Variants in ARHGEF4 observed in about 807,000 individuals in gnomAD.
The protein encoded by ARHGEF4 is Rho guanine nucleotide exchange factor 4.
ARHGEF4 carries 119 observed loss-of-function variants against 162.0 expected under a neutral mutation model. That is an observed-to-expected ratio of 0.73 (90% confidence interval 0.63 to 0.86). The LOEUF is 0.86. Ranked by LOEUF, ARHGEF4 falls within the 40% of genes least tolerant of loss-of-function variation. The pLI, the probability that ARHGEF4 is intolerant of heterozygous loss-of-function variation, is 0.00. For synonymous variants in ARHGEF4, 1,014 were observed against 979.9 expected, an observed-to-expected ratio of 1.03 and a Z score of -0.65; for missense variants, 2,488 against 2,456.0, an observed-to-expected ratio of 1.01 and a Z score of -0.28.
intron 2 of ARHGEF4, among the ~76,000 whole-genome samples, chr2:130,919,367 G>C (rs764955610): frequency 1.7e-4 from 26 of 152,180 alleles, no homozygotes; most frequent in Non-Finnish European, 3.2e-4. Flanking sequence ...CTTCTGAAAT[G>C]ATTGGCAATC....
chr2:130,864,520 T>A (rs1574116470), intron 1 of ARHGEF4, among the ~76,000 whole-genome samples: 2 of 151,706 alleles, frequency 1.3e-5, no homozygotes. Flanking sequence ...AGGTCAGGAG[T>A]TCAAGACCAA....
Position 130,967,949 on chromosome 2 carries a change from T to A in ARHGEF4, c.3985+21314T>A, listed in dbSNP as rs146422713. ...TCACTCTGCCTCAATATGTGACACC[T>A]GTGAAATATTGCCAACCAGATAAGT... On this transcript the variant is annotated intron_variant, in intron 4 of 13. Transcript: ENST00000409359. 1.6e-3 allele frequency among the ~76,000 whole-genome samples: 242 copies of A among 152,320 alleles called. 1 individual carries two copies. Among genetic ancestry groups the A allele is most frequent in the African/African-American group, 5.4e-3 (223 of 41,570 alleles).
At chr2:130,991,897 A>G (rs1041382558) in intron 4 of ARHGEF4, among the ~76,000 whole-genome samples, 7 of 152,250 alleles carry the variant, frequency 4.6e-5, no homozygotes, top group Non-Finnish European at 7.3e-5. Context: ...GGGTGAAGCC[A>G]GCTGGGCTCC....
intron 5 of ARHGEF4, among the ~76,000 whole-genome samples, chr2:131,031,492 G>A (rs1218132645): frequency 6.6e-6 from 1 of 152,218 alleles, no homozygotes; most frequent in Non-Finnish European, 1.5e-5. Flanking sequence ...GGATGCAGCT[G>A]TGCAGAAGCC....
chr2:131,047,184 C>T lies in ARHGEF4; in HGVS notation c.*995C>T, dbSNP rs1691327985. On this transcript the variant is annotated 3_prime_UTR_variant, in exon 14 of 14. Transcript: ENST00000409359. Reference sequence around the variant, plus strand: ...CACAGGATTCAGCAGCATGGACAGTCACTCTTGCACTATTCCTTCTCCAAG... The same window carrying T: ...CACAGGATTCAGCAGCATGGACAGTTACTCTTGCACTATTCCTTCTCCAAG... 1 of 152,262 alleles carries T rather than the reference C, an allele frequency of 6.6e-6. No individual in the cohort carries two copies. The highest frequency in any genetic ancestry group is 1.5e-5 in the Non-Finnish European group (1 of 68,052). The allele number at this position is 152,262 out of a possible 1,614,324, so 9.4% of individuals were successfully genotyped here.
Position 131,047,153 on chromosome 2 carries a change from G to C in ARHGEF4, c.*964G>C, listed in dbSNP as rs1364451777. On this transcript the variant is annotated 3_prime_UTR_variant, in exon 14 of 14. Coordinates refer to ENST00000409359, the MANE Select transcript of ARHGEF4 (RefSeq NM_001367493.1). ...GAGCCAGGGCCTGGCGAGCTGGCGTGGAGCCCACAGGATTCAGCAGCATGG... is the reference window on the plus strand; with the variant it reads ...GAGCCAGGGCCTGGCGAGCTGGCGTCGAGCCCACAGGATTCAGCAGCATGG... 6.6e-6 allele frequency: 1 copy of C among 152,332 alleles called. No homozygotes were observed. The highest frequency in any genetic ancestry group is 1.5e-5 in the Non-Finnish European group (1 of 68,070). The allele number at this position is 152,332 out of a possible 1,614,324, so 9.4% of individuals were successfully genotyped here.
chr2:130,898,830 A>C (rs951690194), intron 1 of ARHGEF4, among the ~76,000 whole-genome samples: 2 of 152,114 alleles, frequency 1.3e-5, no homozygotes, highest in African/African-American at 4.8e-5. Context: ...TGATGGAGCC[A>C]GTGACAGACA....
chr2:130,921,239 C>G (rs768187668), intron 2 of ARHGEF4, among the ~76,000 whole-genome samples: 3 of 152,188 alleles, frequency 2.0e-5, no homozygotes, highest in African/African-American at 7.2e-5. Context: ...CGGTGGCTCA[C>G]GCCTGTAATC....
At chr2:130,970,405 A>G (rs1446584105) in intron 4 of ARHGEF4, among the ~76,000 whole-genome samples, 1 of 152,108 alleles carries the variant, frequency 6.6e-6, no homozygotes, top group Non-Finnish European at 1.5e-5. Flanking sequence ...CCTGACCAAC[A>G]TGGTAAAATC....
At chr2:130,977,275 TGTG>T (rs1445814966) in intron 4 of ARHGEF4, among the ~76,000 whole-genome samples, 7 of 151,896 alleles carry the variant, frequency 4.6e-5, no homozygotes, top group Non-Finnish European at 8.8e-5. Flanking sequence ...TATGTGCTAG[TGTG>T]GTGTGTCAGT....
In ARHGEF4 at chr2:131,021,777, G is replaced by A. The variant is rs10174249; in HGVS notation, c.3986-6168G>A. ...GTGATACAGCTTTCCGTCTTCCATC[G>A]CTGAGTATGATGTTGGCTGTGAGAT... On this transcript the variant is annotated intron_variant, in intron 4 of 13. Transcript: ENST00000409359. Among the ~76,000 whole-genome samples the A allele has an allele frequency of 6.2e-3, 940 of 152,268 alleles. 6 individuals carry two copies. Among genetic ancestry groups the A allele is most frequent in the African/African-American group, 0.021 (890 of 41,552 alleles).
At chr2:130,918,235 G>A (rs1477864542) in intron 2 of ARHGEF4, among the ~76,000 whole-genome samples, 1 of 152,114 alleles carries the variant, frequency 6.6e-6, no homozygotes, top group Non-Finnish European at 1.5e-5. Flanking sequence ...GACTTACTTC[G>A]TATAAAGAGA....
chr2:130,912,815 C>T (rs1330672716), intron 1 of ARHGEF4, among the ~76,000 whole-genome samples: 1 of 152,152 alleles, frequency 6.6e-6, no homozygotes, highest in Non-Finnish European at 1.5e-5. Context: ...AAAGAACATT[C>T]AATAGTCCCC....
rs368901158 is a variant in ARHGEF4, at chr2:130,867,936, C to T, written c.39+30944C>T. Among the ~76,000 whole-genome samples, 841 of 119,764 alleles carry T rather than the reference C, an allele frequency of 7.0e-3. 3 individuals are homozygous for T. Among genetic ancestry groups the T allele is most frequent in the African/African-American group, 0.016 (516 of 31,506 alleles). 78.6% of individuals were successfully genotyped at this position (119,764 alleles called of 152,430 possible). A position where few individuals can be genotyped will look rare whatever the true frequency, so the allele number is the denominator to read the frequency against. On this transcript the variant is annotated intron_variant, in intron 1 of 13. Coordinates refer to ENST00000409359, the MANE Select transcript of ARHGEF4 (RefSeq NM_001367493.1). ...ATGTGTTTTTTTCTTTTTTTTTTTTCTTTTTTTTTTTTTTTTGGAGACAGA... is the reference window on the plus strand; with the variant it reads ...ATGTGTTTTTTTCTTTTTTTTTTTTTTTTTTTTTTTTTTTTTGGAGACAGA...
At chr2:130,950,915 T>C (rs1449879945) in intron 4 of ARHGEF4, among the ~76,000 whole-genome samples, 3 of 152,228 alleles carry the variant, frequency 2.0e-5, no homozygotes, top group Non-Finnish European at 4.4e-5. Flanking sequence ...AGTTTGCTTA[T>C]TTATTCATCC....
At chr2:130,966,576 G>T (rs370173339) in intron 4 of ARHGEF4, among the ~76,000 whole-genome samples, 2 of 152,348 alleles carry the variant, frequency 1.3e-5, no homozygotes, top group East Asian at 3.9e-4. Context: ...GTGAGGCTGC[G>T]TCTGAGCAGA....
intron 10 of ARHGEF4, among the ~76,000 whole-genome samples, chr2:131,042,790 T>C (rs535849476): frequency 2.0e-5 from 3 of 152,040 alleles, no homozygotes; most frequent in African/African-American, 7.2e-5. Context: ...CCAGCTGGGG[T>C]TTGCATTTTC....
chr2:131,025,450 C>T (rs1689416825), intron 4 of ARHGEF4, among the ~76,000 whole-genome samples: 2 of 152,194 alleles, frequency 1.3e-5, no homozygotes, highest in African/African-American at 4.8e-5. Context: ...ACATGTGGAG[C>T]TTTAACTGTT....
chr2:130,918,573 C>A (rs1359083923), intron 2 of ARHGEF4, among the ~76,000 whole-genome samples: 1 of 152,232 alleles, frequency 6.6e-6, no homozygotes, highest in Non-Finnish European at 1.5e-5. Flanking sequence ...CGCCTGCAGG[C>A]AGATGTCAGC....
Sources: gnomAD v4.1 joint callset for allele counts (sites outside exome capture counted in the v4.1 genomes callset) on GRCh38, gnomAD v4.1.1 for gene constraint, MANE v1.5 for transcripts, NCBI Gene and HGNC (gene_info 2026-07-23, HGNC 2026-07-21) for gene names.